KIDINS220: variants seen among roughly 807,000 people sequenced by gnomAD.
KIDINS220 encodes kinase D interacting substrate 220.
A neutral mutation model predicts 157.6 loss-of-function variants in KIDINS220; 63 were observed. That is an observed-to-expected ratio of 0.40 (90% CI 0.33 to 0.49). KIDINS220 has a LOEUF of 0.49. Among genes scored for constraint, KIDINS220 ranks in the 20% least tolerant of loss-of-function variants. The pLI, the probability that KIDINS220 is intolerant of heterozygous loss-of-function variation, is 0.66. For synonymous variants in KIDINS220, 732 were observed against 783.6 expected (o/e 0.93, Z 1.10); for missense variants, 1,772 against 2,171.2 (o/e 0.82, Z 3.65).
chr2:8,766,441 T>G (rs1669509182), intron 22 of KIDINS220, among the ~76,000 whole-genome samples: 1 of 152,200 alleles, frequency 6.6e-6, no homozygotes, highest in Admixed American at 6.5e-5. Context: ...TTAACTCTCT[T>G]CTACCTTTTA....
intron 15 of KIDINS220, among the ~76,000 whole-genome samples, chr2:8,787,715 CT>C (rs1672619079): frequency 6.6e-6 from 1 of 151,224 alleles, no homozygotes; most frequent in Non-Finnish European, 1.5e-5. Flanking sequence ...ATTTCTTTTG[CT>C]TTTAACTTTC....
chr2:8,741,164 T>C (rs1278833560), intron 26 of KIDINS220, among the ~76,000 whole-genome samples: 1 of 152,240 alleles, frequency 6.6e-6, no homozygotes, highest in Admixed American at 6.5e-5. Context: ...AAGAAAGCTA[T>C]TATTCACCTG....
intron 2 of KIDINS220, among the ~76,000 whole-genome samples, chr2:8,822,541 T>C (rs1678141523): frequency 6.6e-6 from 1 of 152,126 alleles, no homozygotes; most frequent in African/African-American, 2.4e-5. Flanking sequence ...GATGGAAGGA[T>C]TGCTTAAGCC....
At chr2:8,744,363 CAA>C (rs547083543) in intron 26 of KIDINS220, among the ~76,000 whole-genome samples, 15 of 9,338 alleles carry the variant, frequency 1.6e-3, no homozygotes, top group South Asian at 0.02. Context: ...TTCCTCATGG[CAA>C]AAAAAAAAAA....
intron 5 of KIDINS220, 64 bp downstream of exon 5, chr2:8,813,173 C>T: frequency 1.9e-6 from 2 of 1,051,132 alleles, no homozygotes; most frequent in Non-Finnish European, 1.4e-6. Context: ...TATAATCAAC[C>T]TTAAGTATTC....
At chr2:8,789,014 A>C (rs972646306) in intron 14 of KIDINS220, among the ~76,000 whole-genome samples, 2 of 152,210 alleles carry the variant, frequency 1.3e-5, no homozygotes, top group African/African-American at 2.4e-5. Flanking sequence ...TAAACTGACT[A>C]AAACATGCCT....
intron 25 of KIDINS220, chr2:8,747,525 G>T (rs1666754896): frequency 7.0e-6 from 3 of 425,546 alleles, no homozygotes; most frequent in African/African-American, 6.0e-5. Flanking sequence ...TTTATATCAT[G>T]GTGCTAATAT....
At chr2:8,735,930 GGA>G (rs1664795347) in intron 27 of KIDINS220, among the ~76,000 whole-genome samples, 1 of 152,178 alleles carries the variant, frequency 6.6e-6, no homozygotes, top group South Asian at 2.1e-4. Context: ...GACTCGTGTG[GGA>G]GACCCCGCTC....
At chr2:8,804,794 G>A (rs1025573324) in intron 7 of KIDINS220, among the ~76,000 whole-genome samples, 4 of 152,184 alleles carry the variant, frequency 2.6e-5, no homozygotes, top group Non-Finnish European at 5.9e-5. Context: ...TCTATGACCA[G>A]ATGTGTGGGG....
chr2:8,813,268 G>C lies in KIDINS220; in HGVS notation c.374C>G (p.Ser125Cys). ...GRTDVVELLL[S>C]HGANPSVTGL... is the part of the protein sequence containing the mutation. ...AGTGACACTTGGATTGGCACCATGA[G>C]AAAGAAGCAACTCTACTACGTCAGT... The change falls in exon 5 of 30, where the codon TCT becomes TGT. Residue 125 changes from serine (S) to cysteine (C), a missense_variant. Around this residue, in one of 3 missense-constraint regions of KIDINS220, gnomAD observed 254 missense variants for 268.6 expected, o/e 0.95. Transcript: ENST00000256707. 2 of 1,612,352 alleles carry C rather than the reference G, an allele frequency of 1.2e-6. No homozygotes were observed. Among genetic ancestry groups the C allele is most frequent in the Non-Finnish European group, 1.7e-6 (2 of 1,179,408 alleles).
At position 8,758,272 on chromosome 2, in the gene KIDINS220, T is replaced by C. The variant is rs140763339; in HGVS notation, c.3012-6628A>G. ...ATAAAATTGTGGTTTTTCCTGTCTA[T>C]GTAATCCCCAAATTAAAATCCTCAC... On this transcript the variant is annotated intron_variant, in intron 22 of 29. Transcript: ENST00000256707. Among the ~76,000 whole-genome samples, 8 of 152,340 alleles carry C rather than the reference T, an allele frequency of 5.3e-5. No homozygotes were observed. The East Asian group carries it at 1.5e-3, about 29-fold the overall frequency.
chr2:8,775,574 A>G (rs1670855332), intron 21 of KIDINS220, among the ~76,000 whole-genome samples: 1 of 152,256 alleles, frequency 6.6e-6, no homozygotes, highest in South Asian at 2.1e-4. Context: ...ACTGAATTTT[A>G]TAACATGGAA....
chr2:8,744,394 T>A lies in KIDINS220; in HGVS notation c.3585+2751A>T, dbSNP rs1458495270. Among the ~76,000 whole-genome samples, 159 of 25,618 alleles carry A rather than the reference T, an allele frequency of 6.2e-3. 13 individuals are homozygous for A. The highest frequency in any genetic ancestry group is 0.026 in the African/African-American group (134 of 5,174). 16.8% of individuals were successfully genotyped at this position (25,618 alleles called of 152,430 possible). A position where few individuals can be genotyped will look rare whatever the true frequency, so the allele number is the denominator to read the frequency against. ...AAAAAAAAAAAAAAAAAAAAATATA[T>A]ATATATAATATATATATATATATAT... On this transcript the variant is annotated intron_variant, in intron 26 of 29. Coordinates refer to ENST00000256707, the MANE Select transcript of KIDINS220 (RefSeq NM_020738.4).
intron 2 of KIDINS220, among the ~76,000 whole-genome samples, chr2:8,821,881 G>A (rs972782371): frequency 1.3e-5 from 2 of 152,178 alleles, no homozygotes; most frequent in Non-Finnish European, 2.9e-5. Flanking sequence ...TGTAGAGATA[G>A]AGTAACTTAT....
rs894461445 is a variant in KIDINS220 at position 8,729,880 on chromosome 2, G to T, written c.*840C>A. The T allele has an allele frequency of 3.6e-5, 35 of 984,814 alleles. No homozygotes were observed. Among genetic ancestry groups the T allele is most frequent in the African/African-American group, 1.6e-4 (9 of 57,158 alleles). The allele number at this position is 984,814 out of a possible 1,614,324, so 61.0% of individuals were successfully genotyped here. On this transcript the variant is annotated 3_prime_UTR_variant, in exon 30 of 30. Coordinates refer to ENST00000256707, the MANE Select transcript of KIDINS220 (RefSeq NM_020738.4). Reference sequence around the variant, plus strand: ...ATGTCTCCCTGATTTTCCAGAAAAAGAATTCATGTTTTTTTTTCTTCTCAT... The same window carrying T: ...ATGTCTCCCTGATTTTCCAGAAAAATAATTCATGTTTTTTTTTCTTCTCAT...
chr2:8,763,502 A>G (rs1669048009), intron 22 of KIDINS220, among the ~76,000 whole-genome samples: 1 of 152,208 alleles, frequency 6.6e-6, no homozygotes, highest in South Asian at 2.1e-4. Context: ...ATTAAATGTG[A>G]TAAGCTAGGT....
At chr2:8,796,580 C>T (rs552193272) in intron 11 of KIDINS220, among the ~76,000 whole-genome samples, 191 bp downstream of exon 11, 40 of 152,234 alleles carry the variant, frequency 2.6e-4, no homozygotes, top group African/African-American at 8.9e-4. Context: ...GAAGCAGCTG[C>T]GTTAATAGCA....
At chr2:8,797,022 C>T (rs1572698112) in intron 10 of KIDINS220, among the ~76,000 whole-genome samples, 153 bp from the exon 11 acceptor site, 1 of 152,170 alleles carries the variant, frequency 6.6e-6, no homozygotes, top group Admixed American at 6.5e-5. Flanking sequence ...CAAAAAAATG[C>T]TTTTCCTTTA....
chr2:8,830,216 C>A (rs1032260844), intron 1 of KIDINS220, among the ~76,000 whole-genome samples: 2 of 152,206 alleles, frequency 1.3e-5, no homozygotes, highest in African/African-American at 4.8e-5. Context: ...CTAATTTAAA[C>A]TAGCTTAAGC....
Sources: allele counts gnomAD v4.1 joint callset (sites outside exome capture counted in the v4.1 genomes callset), GRCh38; gene constraint gnomAD v4.1.1; regional missense constraint gnomAD v4.1.1; transcripts MANE v1.5; gene names NCBI Gene and HGNC (gene_info 2026-07-23, HGNC 2026-07-21).